Variants in RBM33 observed in about 807,000 individuals in gnomAD.
RBM33 encodes RNA-binding protein 33.
RBM33 carries 28 observed loss-of-function variants against 132.6 expected under a neutral mutation model. The ratio of observed to expected loss-of-function variants is 0.21; its 90% CI spans 0.16 to 0.29. RBM33 has a LOEUF of 0.29. RBM33 is among the 10% of genes least tolerant of loss of function. The pLI, the probability that RBM33 is intolerant of heterozygous loss-of-function variation, is 1.00. For missense variants in RBM33, 1,291 were observed against 1,518.5 expected, an observed-to-expected ratio of 0.85 and a Z score of 2.49; for synonymous variants, 634 against 593.0, an observed-to-expected ratio of 1.07 and a Z score of -1.01.
chr7:155,749,561 T>C (rs1801628509), intron 14 of RBM33, among the ~76,000 whole-genome samples: 1 of 152,222 alleles, frequency 6.6e-6, no homozygotes, highest in South Asian at 2.1e-4. Context: ...GCAGTCTAGA[T>C]TGATTCGGAA....
chr7:155,718,417 C>T lies in RBM33; in HGVS notation c.1234C>T (p.Pro412Ser), dbSNP rs529955121. The T allele has an allele frequency of 6.2e-7, 1 of 1,613,842 alleles. No individual in the cohort carries two copies. ...PLLPVPSQPR[P>S]AVGPQRFPGP... ...GCTACCAGTTCCGAGCCAGCCGAGACCTGCCGTGGGACCCCAGAGATTCCC... is the reference window on the plus strand; with the variant it reads ...GCTACCAGTTCCGAGCCAGCCGAGATCTGCCGTGGGACCCCAGAGATTCCC... Residue 412 changes from proline (P) to serine (S), a missense_variant, in exon 9 of 18, where the codon CCT becomes TCT. This residue lies in a region of RBM33 where 841 missense variants were observed against 912.0 expected (regional missense o/e 0.92). Coordinates refer to ENST00000401878, the MANE Select transcript of RBM33 (RefSeq NM_053043.3).
chr7:155,704,051 G>T (rs888455764), intron 6 of RBM33, among the ~76,000 whole-genome samples: 1 of 152,176 alleles, frequency 6.6e-6, no homozygotes, highest in Non-Finnish European at 1.5e-5. Flanking sequence ...GACTCTAAAA[G>T]TTTACATGTG....
chr7:155,748,304 C>T (rs1243714766), intron 14 of RBM33, among the ~76,000 whole-genome samples: 5 of 152,324 alleles, frequency 3.3e-5, no homozygotes, highest in African/African-American at 9.6e-5. Context: ...AAATCTAATG[C>T]ATTTAATTCA....
At chr7:155,771,882 G>A (rs975269832) in intron 16 of RBM33, among the ~76,000 whole-genome samples, 1 of 152,130 alleles carries the variant, frequency 6.6e-6, no homozygotes, top group South Asian at 2.1e-4. Flanking sequence ...TAGGACTAGA[G>A]GTGTACACCA....
At chr7:155,711,855 T>A (rs1252657704) in intron 8 of RBM33, among the ~76,000 whole-genome samples, 1 of 152,220 alleles carries the variant, frequency 6.6e-6, no homozygotes, top group Non-Finnish European at 1.5e-5. Flanking sequence ...GCATCTGTTA[T>A]GTTATAGATT....
chr7:155,655,460 T>G lies in RBM33; in HGVS notation c.44-9715T>G, dbSNP rs1404623748. On this transcript the variant is annotated intron_variant, in intron 1 of 17. Transcript: ENST00000401878. Reference sequence around the variant, plus strand: ...ATGATGAACAGTATTTATCAAAATCTTGGGAGTCCCCGAGACTATGTCAGA... The same window carrying G: ...ATGATGAACAGTATTTATCAAAATCGTGGGAGTCCCCGAGACTATGTCAGA... Among the ~76,000 whole-genome samples the G allele has an allele frequency of 2.0e-5, 3 of 151,540 alleles. No individual in the cohort carries two copies. In the East Asian group the frequency reaches 5.9e-4, roughly 30 times the overall value.
chr7:155,701,965 C>T (rs924012055), intron 6 of RBM33, among the ~76,000 whole-genome samples: 2 of 152,116 alleles, frequency 1.3e-5, no homozygotes, highest in African/African-American at 2.4e-5. Context: ...GGATTACAGG[C>T]GTGAGCCACC....
intron 1 of RBM33, among the ~76,000 whole-genome samples, chr7:155,658,715 T>A (rs1348939609): frequency 6.6e-6 from 1 of 152,164 alleles, no homozygotes; most frequent in Non-Finnish European, 1.5e-5. Flanking sequence ...TTGTTTTTAA[T>A]CCTCTCTGCC....
chr7:155,658,264 A>G (rs1798545881), intron 1 of RBM33, among the ~76,000 whole-genome samples: 1 of 152,142 alleles, frequency 6.6e-6, no homozygotes, highest in African/African-American at 2.4e-5. Context: ...ATATTAGTGT[A>G]ACTTTGCCAG....
intron 10 of RBM33, 47 bp downstream of exon 10, chr7:155,737,709 G>A (rs1585509109): frequency 2.0e-6 from 3 of 1,498,458 alleles, no homozygotes; most frequent in East Asian, 2.3e-5. Context: ...AGCTGCATTG[G>A]GTGATGTGCC....
In RBM33 at chr7:155,774,471, G is replaced by A. The variant is rs570122104; in HGVS notation, c.3376-88G>A. 1.2e-4 allele frequency: 116 copies of A among 993,138 alleles called. 1 individual carries two copies. In the African/African-American group the frequency reaches 1.7e-3, roughly 15 times the overall value. The allele number at this position is 993,138 out of a possible 1,614,324, so 61.5% of individuals were successfully genotyped here. On this transcript the variant is annotated intron_variant, in intron 16 of 17. Transcript: ENST00000401878. The surrounding 1 kb of genome is among the most constrained non-coding windows in gnomAD (Gnocchi z 4.2). ...AAATGTCCGCCTGGACTCATTTTGT[G>A]TTAAAACTAATAATGCTTAAATATA...
At chr7:155,725,279 TA>T (rs747149421) in intron 9 of RBM33, among the ~76,000 whole-genome samples, 9 of 141,344 alleles carry the variant, frequency 6.4e-5, no homozygotes, top group Non-Finnish European at 1.2e-4. Flanking sequence ...CAGTAATGAA[TA>T]AAAAAAAATT....
intron 14 of RBM33, chr7:155,746,525 C>T (rs1161456890): frequency 6.6e-6 from 1 of 152,206 alleles, no homozygotes; most frequent in Admixed American, 6.5e-5. Context: ...TGCAGTTTTC[C>T]ACTGTAGTTT....
rs145013638 is a variant in RBM33 at position 155,676,608 on chromosome 7, G to A, written c.172-2000G>A. ...ACCTGTTTGGAAAGATTGAGAGAAA[G>A]GATTTCACTAGCATCTGTGGCCACT... On this transcript the variant is annotated intron_variant, in intron 3 of 17. Coordinates refer to ENST00000401878, the MANE Select transcript of RBM33 (RefSeq NM_053043.3). Among the ~76,000 whole-genome samples, 176 of 152,312 alleles carry A rather than the reference G, an allele frequency of 1.2e-3. No individual in the cohort carries two copies. The East Asian group carries it at 0.017, about 15-fold the overall frequency.
chr7:155,762,742 A>G (rs1282612038), intron 14 of RBM33, among the ~76,000 whole-genome samples: 1 of 152,100 alleles, frequency 6.6e-6, no homozygotes, highest in Non-Finnish European at 1.5e-5. Flanking sequence ...CTGGTTGACC[A>G]GGTTGCCCCT....
chr7:155,679,200 C>G (rs1799270288), intron 4 of RBM33, among the ~76,000 whole-genome samples: 1 of 151,840 alleles, frequency 6.6e-6, no homozygotes. Flanking sequence ...AACAAAAAAT[C>G]AGTAGGTCTT....
At chr7:155,756,267 T>C (rs1488870470) in intron 14 of RBM33, among the ~76,000 whole-genome samples, 2 of 152,234 alleles carry the variant, frequency 1.3e-5, no homozygotes, top group Admixed American at 1.3e-4. Flanking sequence ...AGGATCTCTT[T>C]CAATGCTGTA....
At chr7:155,650,673 C>G (rs1016974955) in intron 1 of RBM33, among the ~76,000 whole-genome samples, 5 of 152,090 alleles carry the variant, frequency 3.3e-5, no homozygotes, top group African/African-American at 1.2e-4. Flanking sequence ...TGGAAGAACT[C>G]TTTTCTCCAG....
intron 14 of RBM33, among the ~76,000 whole-genome samples, chr7:155,753,748 G>T (rs1291073308): frequency 6.6e-6 from 1 of 152,196 alleles, no homozygotes; most frequent in Admixed American, 6.5e-5. Context: ...ACATTCAGGT[G>T]CTTGGGGCAG....
Sources: allele counts gnomAD v4.1 joint callset (sites outside exome capture counted in the v4.1 genomes callset), GRCh38; gene constraint gnomAD v4.1.1; regional missense constraint gnomAD v4.1.1; non-coding constraint Gnocchi (gnomAD v3.1); transcripts MANE v1.5; gene names NCBI Gene and HGNC (gene_info 2026-07-23, HGNC 2026-07-21).